The following LRRC39 variants were observed in gnomAD, a reference collection of about 807,000 sequenced individuals.
The protein encoded by LRRC39 is leucine rich repeat containing 39, also known as leucine-rich repeat-containing protein 39.
Under a neutral mutation model 39.7 loss-of-function variants are expected in LRRC39, and 35 were observed. That is an observed-to-expected ratio of 0.88 (90% CI 0.67 to 1.17). The LOEUF is 1.17. Among genes scored for constraint, LRRC39 ranks in the 50% most tolerant of loss-of-function variants. The probability of loss-of-function intolerance (pLI) is 0.00; values close to 1 mark genes in which losing one functional copy is unlikely to be tolerated. For synonymous variants in LRRC39, 113 were observed against 134.1 expected (o/e 0.84, Z 1.09); for missense variants, 357 against 385.8 (o/e 0.93, Z 0.62).
intron 7 of LRRC39, among the ~76,000 whole-genome samples, chr1:100,155,700 C>T (rs1658403002): frequency 6.6e-6 from 1 of 152,310 alleles, no homozygotes; most frequent in Non-Finnish European, 1.5e-5. Flanking sequence ...AAGCAGTATG[C>T]ATAATGCGTA....
intron 3 of LRRC39, 52 bp from the exon 4 acceptor site, chr1:100,160,623 T>C: frequency 7.0e-7 from 1 of 1,430,948 alleles, no homozygotes; most frequent in Non-Finnish European, 9.6e-7. Context: ...TAAGTGGCAT[T>C]CACTTTTTTT....
intron 3 of LRRC39, among the ~76,000 whole-genome samples, chr1:100,163,595 TAA>T (rs11455249): frequency 4.3e-4 from 57 of 132,242 alleles, no homozygotes; most frequent in East Asian, 1.3e-3. Flanking sequence ...CAGCTTTTTC[TAA>T]AAAAAAAAAA....
At chr1:100,164,183 G>A (rs1037296020) in intron 3 of LRRC39, among the ~76,000 whole-genome samples, 2 of 152,130 alleles carry the variant, frequency 1.3e-5, no homozygotes, top group African/African-American at 4.8e-5. Flanking sequence ...CAAGGAGCTT[G>A]GCATCAAAAG....
At chr1:100,152,979 A>C (rs1570761985) in intron 8 of LRRC39, among the ~76,000 whole-genome samples, 2 of 152,220 alleles carry the variant, frequency 1.3e-5, no homozygotes, top group Non-Finnish European at 2.9e-5. Context: ...TGCCTGCCTC[A>C]GCCTCCTAAA....
chr1:100,156,593 T>G (rs900798001), intron 6 of LRRC39, among the ~76,000 whole-genome samples: 7 of 152,150 alleles, frequency 4.6e-5, no homozygotes, highest in Non-Finnish European at 1.0e-4. Flanking sequence ...TGGCAAAACC[T>G]TTTTTTCCCT....
At chr1:100,156,790 C>T (rs1221543058) in intron 6 of LRRC39, among the ~76,000 whole-genome samples, 3 of 152,106 alleles carry the variant, frequency 2.0e-5, no homozygotes, top group Non-Finnish European at 2.9e-5. Context: ...TTGAGACCAG[C>T]CTGGGCAACA....
intron 1 of LRRC39, among the ~76,000 whole-genome samples, chr1:100,174,061 G>A (rs890779731): frequency 1.3e-5 from 2 of 152,148 alleles, no homozygotes; most frequent in Admixed American, 6.6e-5. Context: ...AGAAGGAGAG[G>A]AGCAACCTGA....
chr1:100,150,116 C>T (rs907044741), intron 9 of LRRC39: 2 of 152,262 alleles, frequency 1.3e-5, no homozygotes, highest in Admixed American at 1.3e-4. Context: ...TAATACCTAC[C>T]TCACAAGGTT....
intron 2 of LRRC39, among the ~76,000 whole-genome samples, chr1:100,168,966 A>G (rs1043726202): frequency 6.6e-5 from 10 of 152,106 alleles, no homozygotes; most frequent in Non-Finnish European, 1.3e-4. Flanking sequence ...TGAGATATCA[A>G]TCTAATCAGG....
At chr1:100,172,549 G>A (rs1043034210) in intron 2 of LRRC39, among the ~76,000 whole-genome samples, 3 of 152,026 alleles carry the variant, frequency 2.0e-5, no homozygotes, top group Admixed American at 1.3e-4. Flanking sequence ...AAGGCCAGGC[G>A]TGGTGGCTCA....
intron 9 of LRRC39, among the ~76,000 whole-genome samples, chr1:100,151,126 CAAAAAAAA>C (rs772782982): frequency 5.7e-4 from 25 of 43,668 alleles, no homozygotes; most frequent in Admixed American, 7.0e-4. Context: ...AGAAACTCCT[CAAAAAAAA>C]AAAAAAAAAA....
At chr1:100,157,834 C>A (rs192941207) in intron 6 of LRRC39, among the ~76,000 whole-genome samples, 2 of 152,198 alleles carry the variant, frequency 1.3e-5, no homozygotes, top group East Asian at 3.9e-4. Flanking sequence ...GACATCATAC[C>A]AAATCAAAGT....
At chr1:100,156,138 T>C (rs1341552688) in intron 7 of LRRC39, 34 bp downstream of exon 7, 7 of 1,587,010 alleles carry the variant, frequency 4.4e-6, no homozygotes, top group African/African-American at 1.4e-5. Flanking sequence ...GTTTCAAGAC[T>C]TTTATCATTA....
rs1203580325 is a variant in LRRC39, at chr1:100,160,640, TGA to T, written c.114-71_114-70del. The T allele has an allele frequency of 2.5e-5, 30 of 1,194,808 alleles. No homozygotes were observed. In the African/African-American group the frequency reaches 3.2e-4, roughly 13 times the overall value. The allele number at this position is 1,194,808 out of a possible 1,614,324, so 74.0% of individuals were successfully genotyped here. ...AGTGGCATTCACTTTTTTTTTTTTT[TGA>T]GAGAGAGAGTTTCACTCTTTTGCCC... On this transcript the variant is annotated intron_variant, in intron 3 of 9. Coordinates refer to ENST00000370137, the MANE Select transcript of LRRC39 (RefSeq NM_144620.4).
intron 9 of LRRC39, among the ~76,000 whole-genome samples, chr1:100,151,581 T>C (rs1658038491): frequency 6.6e-6 from 1 of 152,214 alleles, no homozygotes; most frequent in Non-Finnish European, 1.5e-5. Context: ...AAAATCTACC[T>C]TTTAAGTTAA....
chr1:100,167,590 C>T (rs1659334221), intron 3 of LRRC39, among the ~76,000 whole-genome samples: 1 of 151,982 alleles, frequency 6.6e-6, no homozygotes, highest in Non-Finnish European at 1.5e-5. Flanking sequence ...GCCTGGCCAA[C>T]ATGGTGAAAC....
At chr1:100,158,557 C>T (rs142356038) in intron 5 of LRRC39, among the ~76,000 whole-genome samples, 190 bp from the exon 6 acceptor site, 5,042 of 152,214 alleles carry the variant, frequency 0.033, 99 homozygotes, top group Non-Finnish European at 0.045. Flanking sequence ...CCTGCCTCAG[C>T]CTCCCGGTAG....
chr1:100,149,040 T>C lies in LRRC39; in HGVS notation c.*2A>G. 2 of 1,586,038 alleles carry C rather than the reference T, an allele frequency of 1.3e-6. No homozygotes were observed. Among genetic ancestry groups the C allele is most frequent in the Non-Finnish European group, 1.7e-6 (2 of 1,169,316 alleles). On this transcript the variant is annotated 3_prime_UTR_variant, in exon 10 of 10. Transcript: ENST00000370137. The stretch of plus-strand genomic sequence containing the variant: ...CTCTTTAGAAGGGCATCTTGAATTA[T>C]ATTATCCATCCGTATTTATGGAGAT...
chr1:100,164,705 C>CTT (rs529840858), intron 3 of LRRC39, among the ~76,000 whole-genome samples: 2 of 148,550 alleles, frequency 1.3e-5, no homozygotes, highest in Non-Finnish European at 3.0e-5. Flanking sequence ...TAATTTTTTT[C>CTT]TTTTTTTTTT....
Sources: allele counts gnomAD v4.1 joint callset (sites outside exome capture counted in the v4.1 genomes callset), GRCh38; gene constraint gnomAD v4.1.1; transcripts MANE v1.5; gene names NCBI Gene and HGNC (gene_info 2026-07-23, HGNC 2026-07-21).